TOX: variants seen among roughly 807,000 people sequenced by gnomAD.
TOX encodes the protein thymocyte selection associated high mobility group box.
A neutral mutation model predicts 53.7 loss-of-function variants in TOX; 11 were observed. The observed-to-expected ratio is 0.20, with a 90% CI of 0.13 to 0.34. The LOEUF (loss-of-function observed/expected upper bound fraction) is 0.34. Among genes scored for constraint, TOX ranks in the 10% least tolerant of loss-of-function variants. The pLI is 1.00. For missense variants in TOX, 570 were observed against 664.6 expected (o/e 0.86, Z 1.56); for synonymous variants, 225 against 245.3 (o/e 0.92, Z 0.77).
chr8:59,002,646 G>C (rs1246423906), intron 1 of TOX, among the ~76,000 whole-genome samples: 2 of 151,436 alleles, frequency 1.3e-5, no homozygotes, highest in Non-Finnish European at 2.9e-5. Context: ...CATATAAAAT[G>C]AACAACATTG....
At chr8:59,083,300 A>T (rs1804444197) in intron 1 of TOX, among the ~76,000 whole-genome samples, 1 of 152,254 alleles carries the variant, frequency 6.6e-6, no homozygotes, top group Admixed American at 6.5e-5. Context: ...ATCACGATTC[A>T]AATGCTAGCT....
At chr8:58,904,382 T>C (rs1321994205) in intron 3 of TOX, among the ~76,000 whole-genome samples, 1 of 152,068 alleles carries the variant, frequency 6.6e-6, no homozygotes, top group Non-Finnish European at 1.5e-5. Context: ...AAAATAAATA[T>C]TTGTCGTTAG....
chr8:58,847,581 G>A (rs1248813738), intron 4 of TOX, among the ~76,000 whole-genome samples: 1 of 152,036 alleles, frequency 6.6e-6, no homozygotes, highest in African/African-American at 2.4e-5. Context: ...AACAGCATGA[G>A]AAGGGAGCAA....
At chr8:59,101,047 T>A (rs1317069582) in intron 1 of TOX, among the ~76,000 whole-genome samples, 1 of 152,212 alleles carries the variant, frequency 6.6e-6, no homozygotes, top group Non-Finnish European at 1.5e-5. Context: ...GGGCAAGGAA[T>A]GCTGGTTCTA....
chr8:58,937,151 C>G (rs1228322315), intron 3 of TOX, among the ~76,000 whole-genome samples: 5 of 152,156 alleles, frequency 3.3e-5, no homozygotes, highest in Non-Finnish European at 7.4e-5. Context: ...CAGAATGTAG[C>G]TTGAGGGGTA....
chr8:59,119,025 T>C lies in TOX; in HGVS notation c.-38A>G, dbSNP rs776914161. 1 of 1,472,800 alleles carries C rather than the reference T, an allele frequency of 6.8e-7. No individual in the cohort carries two copies. Among genetic ancestry groups the C allele is most frequent in the South Asian group, 1.2e-5 (1 of 86,596 alleles). The allele number at this position is 1,472,800 out of a possible 1,614,324, so 91.2% of individuals were successfully genotyped here. On this transcript the variant is annotated 5_prime_UTR_variant, in exon 1 of 9. Transcript: ENST00000361421. ...TCAAGCAACTCCTTTTCTTTTTCCT[T>C]TTTTAAAAAAAAGTGTTCAGCAAAA...
intron 1 of TOX, among the ~76,000 whole-genome samples, chr8:59,079,196 G>T (rs1804351602): frequency 6.6e-6 from 1 of 152,184 alleles, no homozygotes; most frequent in African/African-American, 2.4e-5. Flanking sequence ...AAATTTGCAG[G>T]CTGGCCATGG....
intron 1 of TOX, among the ~76,000 whole-genome samples, chr8:59,087,522 C>A (rs1281449195): frequency 6.6e-6 from 1 of 152,082 alleles, no homozygotes; most frequent in Admixed American, 6.5e-5. Context: ...CAGGTCTGTC[C>A]CCCCCTTTAC....
intron 2 of TOX, among the ~76,000 whole-genome samples, chr8:58,940,729 A>G (rs934834363): frequency 1.3e-5 from 2 of 152,150 alleles, no homozygotes; most frequent in African/African-American, 4.8e-5. Flanking sequence ...CAAATAAAGT[A>G]GTGTAAGGTA....
At chr8:59,062,117 G>GT (rs535234860) in intron 1 of TOX, among the ~76,000 whole-genome samples, 116 of 152,248 alleles carry the variant, frequency 7.6e-4, no homozygotes, top group African/African-American at 2.7e-3. Context: ...CAGAACCAAA[G>GT]TTTTTTACCA....
intron 1 of TOX, among the ~76,000 whole-genome samples, chr8:59,071,604 A>G (rs1470506422): frequency 1.3e-5 from 2 of 152,194 alleles, no homozygotes; most frequent in Non-Finnish European, 2.9e-5. Context: ...AAACTTCCAC[A>G]CACCATTTTT....
chr8:58,919,323 A>G (rs1812034700), intron 3 of TOX, among the ~76,000 whole-genome samples: 1 of 56,264 alleles, frequency 1.8e-5, no homozygotes, highest in African/African-American at 8.4e-5. Context: ...AGGCTACAGT[A>G]ACCAAAACAG....
At chr8:58,864,748 A>AGAGAAGGTG (rs1294911727) in intron 3 of TOX, among the ~76,000 whole-genome samples, 1 of 152,164 alleles carries the variant, frequency 6.6e-6, no homozygotes, top group African/African-American at 2.4e-5. Flanking sequence ...ACACTCTGTA[A>AGAGAAGGTG]GAGAAGGTGG....
chr8:58,872,272 C>T (rs932540332), intron 3 of TOX, among the ~76,000 whole-genome samples: 1 of 151,976 alleles, frequency 6.6e-6, no homozygotes, highest in Non-Finnish European at 1.5e-5. Flanking sequence ...TACCCATGAG[C>T]ACATTCTGAT....
chr8:59,064,228 A>G (rs181829321), intron 1 of TOX, among the ~76,000 whole-genome samples: 7 of 152,062 alleles, frequency 4.6e-5, no homozygotes, highest in Non-Finnish European at 7.3e-5. Context: ...ATTAACATAT[A>G]TAATGCACAT....
intron 1 of TOX, among the ~76,000 whole-genome samples, chr8:59,036,784 G>C (rs1428535271): frequency 1.3e-5 from 2 of 152,178 alleles, no homozygotes; most frequent in Non-Finnish European, 2.9e-5. Flanking sequence ...GTATGTGTGT[G>C]ACTATGATGT....
intron 1 of TOX, among the ~76,000 whole-genome samples, chr8:58,973,796 G>A (rs1813043213): frequency 6.6e-6 from 1 of 151,792 alleles, no homozygotes; most frequent in African/African-American, 2.4e-5. Flanking sequence ...TTCTATAGAA[G>A]TGGTTTTCTT....
At chr8:58,860,352 G>T (rs1025218443) in intron 3 of TOX, among the ~76,000 whole-genome samples, 1 of 152,146 alleles carries the variant, frequency 6.6e-6, no homozygotes, top group Non-Finnish European at 1.5e-5. Flanking sequence ...TGGAATTCGT[G>T]CCCTGATGCA....
intron 1 of TOX, among the ~76,000 whole-genome samples, chr8:59,052,516 T>C (rs1466786965): frequency 6.6e-6 from 1 of 152,246 alleles, no homozygotes; most frequent in Non-Finnish European, 1.5e-5. Context: ...GTGTGGATTT[T>C]AGTTGACTAT....
Sources: gnomAD v4.1 joint callset for allele counts (sites outside exome capture counted in the v4.1 genomes callset) on GRCh38, gnomAD v4.1.1 for gene constraint, MANE v1.5 for transcripts, NCBI Gene and HGNC (gene_info 2026-07-23, HGNC 2026-07-21) for gene names.